CPQ: variants seen among roughly 807,000 people sequenced by gnomAD.
CPQ encodes the protein Ser-Met dipeptidase.
A neutral mutation model predicts 45.7 loss-of-function variants in CPQ; 37 were observed. The observed-to-expected ratio is 0.81, with a 90% CI of 0.62 to 1.07. The LOEUF is 1.07. CPQ is among the 50% of genes least tolerant of loss of function. CPQ has a pLI of 0.00. For synonymous variants in CPQ, 186 were observed against 205.8 expected, an observed-to-expected ratio of 0.90 and a Z score of 0.82; for missense variants, 537 against 572.9, an observed-to-expected ratio of 0.94 and a Z score of 0.64.
intron 7 of CPQ, among the ~76,000 whole-genome samples, chr8:97,135,888 T>G (rs1046751984): frequency 6.6e-6 from 1 of 152,202 alleles, no homozygotes; most frequent in Non-Finnish European, 1.5e-5. Flanking sequence ...ACAAATTGCT[T>G]AATTTGTGTA....
chr8:96,671,506 A>G (rs1809004419), intron 1 of CPQ, among the ~76,000 whole-genome samples: 1 of 152,222 alleles, frequency 6.6e-6, no homozygotes, highest in Admixed American at 6.5e-5. Context: ...AGTACCAACC[A>G]TTGTGTTGTC....
chr8:97,075,307 C>A (rs531859484), intron 7 of CPQ, among the ~76,000 whole-genome samples: 10 of 152,226 alleles, frequency 6.6e-5, no homozygotes, highest in African/African-American at 2.4e-4. Flanking sequence ...TTCTATCTTC[C>A]CCTTTTAGGG....
intron 1 of CPQ, among the ~76,000 whole-genome samples, chr8:96,724,731 T>C (rs1336287019): frequency 1.3e-5 from 2 of 152,196 alleles, no homozygotes; most frequent in Non-Finnish European, 2.9e-5. Context: ...ACCAGTGTCA[T>C]TTCTCACAGA....
intron 7 of CPQ, among the ~76,000 whole-genome samples, chr8:97,104,863 A>C (rs1811376561): frequency 6.6e-6 from 1 of 152,186 alleles, no homozygotes; most frequent in Non-Finnish European, 1.5e-5. Flanking sequence ...GCCCTTGTGA[A>C]GCAGGTGTGG....
chr8:97,065,542 A>G (rs369670887), intron 6 of CPQ, among the ~76,000 whole-genome samples: 2 of 152,140 alleles, frequency 1.3e-5, no homozygotes, highest in African/African-American at 4.8e-5. Flanking sequence ...CAGAACTCAC[A>G]ATTAAGATAA....
Position 96,742,614 on chromosome 8 carries a change from C to T in CPQ, c.-34-42250C>T, listed in dbSNP as rs555802594. On this transcript the variant is annotated intron_variant, in intron 1 of 7. Transcript: ENST00000220763. Reference sequence around the variant, plus strand: ...GGCATGATTTTGCAGTGGCTGGTACCGGTTGTTCCTTTCCATATTTAGCAC... The same window carrying T: ...GGCATGATTTTGCAGTGGCTGGTACTGGTTGTTCCTTTCCATATTTAGCAC... Among the ~76,000 whole-genome samples the T allele has an allele frequency of 1.4e-3, 210 of 151,916 alleles. 4 individuals are homozygous for T. Among genetic ancestry groups the T allele is most frequent in the Admixed American group, 7.4e-3 (113 of 15,256 alleles).
At chr8:97,086,687 T>C (rs1416963283) in intron 7 of CPQ, among the ~76,000 whole-genome samples, 2 of 152,170 alleles carry the variant, frequency 1.3e-5, no homozygotes, top group African/African-American at 4.8e-5. Context: ...AATTATCCCA[T>C]ATATCAAATA....
intron 4 of CPQ, among the ~76,000 whole-genome samples, chr8:96,923,719 A>G (rs910189179): frequency 6.6e-6 from 1 of 152,232 alleles, no homozygotes; most frequent in Admixed American, 6.5e-5. Flanking sequence ...TATTCAAAGC[A>G]GACCCTATAA....
chr8:97,057,557 T>A (rs1199865560), intron 6 of CPQ, among the ~76,000 whole-genome samples: 1 of 152,200 alleles, frequency 6.6e-6, no homozygotes, highest in East Asian at 1.9e-4. Flanking sequence ...CTAAATTATA[T>A]CCTCAAGTTG....
intron 5 of CPQ, among the ~76,000 whole-genome samples, chr8:96,998,118 C>T (rs1586486740): frequency 6.6e-6 from 1 of 151,920 alleles, no homozygotes; most frequent in Non-Finnish European, 1.5e-5. Context: ...ATGCTACTCT[C>T]ATCATCATAC....
At position 96,767,829 on chromosome 8, in the gene CPQ, G is replaced by A. The variant is rs150833240; in HGVS notation, c.-34-17035G>A. On this transcript the variant is annotated intron_variant, in intron 1 of 7. Transcript: ENST00000220763. ...CGGCTAATTTATGGTATTTTTAGTA[G>A]AGACAGGGTTTCACATGTTGGCCAG... Among the ~76,000 whole-genome samples, 502 of 151,832 alleles carry A rather than the reference G, an allele frequency of 3.3e-3. 3 individuals are homozygous for A. Among genetic ancestry groups the A allele is most frequent in the African/African-American group, 0.011 (473 of 41,428 alleles).
At chr8:97,094,753 T>TAA (rs1811183264) in intron 7 of CPQ, among the ~76,000 whole-genome samples, 1 of 150,012 alleles carries the variant, frequency 6.7e-6, no homozygotes. Flanking sequence ...TATTCGCCAT[T>TAA]AAAATATATA....
chr8:96,973,815 A>G (rs1813724080), intron 5 of CPQ, among the ~76,000 whole-genome samples: 1 of 152,204 alleles, frequency 6.6e-6, no homozygotes, highest in Non-Finnish European at 1.5e-5. Flanking sequence ...AGACAAACAA[A>G]TGCTGAGAGA....
At chr8:96,717,057 AT>A (rs1809688696) in intron 1 of CPQ, among the ~76,000 whole-genome samples, 2 of 90,270 alleles carry the variant, frequency 2.2e-5, no homozygotes, top group Non-Finnish European at 4.5e-5. Context: ...ATATATATAT[AT>A]ATATATATAT....
Position 96,896,737 on chromosome 8 carries a change from A to G in CPQ, c.849+16732A>G, listed in dbSNP as rs563542927. On this transcript the variant is annotated intron_variant, in intron 4 of 7. Transcript: ENST00000220763. ...TTCCATAAAATTTGTCACAAATCCC[A>G]TACCTTATTTATGTGCATATAGGAG... Among the ~76,000 whole-genome samples, 14 of 152,232 alleles carry G rather than the reference A, an allele frequency of 9.2e-5. 1 individual carries two copies. In the South Asian group the frequency reaches 2.9e-3, roughly 32 times the overall value.
chr8:96,909,048 C>A (rs1021583035), intron 4 of CPQ, among the ~76,000 whole-genome samples: 14 of 152,036 alleles, frequency 9.2e-5, no homozygotes, highest in African/African-American at 3.4e-4. Flanking sequence ...ATAATAAAAC[C>A]AAGATATGAC....
At chr8:97,098,909 C>T (rs1229064259) in intron 7 of CPQ, among the ~76,000 whole-genome samples, 1 of 152,050 alleles carries the variant, frequency 6.6e-6, no homozygotes, top group South Asian at 2.1e-4. Flanking sequence ...CACACCCCCA[C>T]ACACACATAC....
intron 7 of CPQ, among the ~76,000 whole-genome samples, chr8:97,073,861 C>A (rs1810798105): frequency 6.6e-6 from 1 of 152,350 alleles, no homozygotes. Flanking sequence ...AGTCAAAGCT[C>A]TTGCTATTCA....
At chr8:96,877,584 G>A (rs1291009540) in intron 3 of CPQ, among the ~76,000 whole-genome samples, 1 of 152,162 alleles carries the variant, frequency 6.6e-6, no homozygotes, top group Non-Finnish European at 1.5e-5. Context: ...CACTAGCTCA[G>A]TGGGAAAAAT....
Sources: gnomAD v4.1 joint callset for allele counts (sites outside exome capture counted in the v4.1 genomes callset) on GRCh38, gnomAD v4.1.1 for gene constraint, MANE v1.5 for transcripts, NCBI Gene and HGNC (gene_info 2026-07-23, HGNC 2026-07-21) for gene names.